SRCIN1: variants seen among roughly 807,000 people sequenced by gnomAD.
SRCIN1 encodes the protein SRC kinase signaling inhibitor 1, also known as P130Cas-associated protein.
SRCIN1 carries 50 observed loss-of-function variants against 116.2 expected under a neutral mutation model. The ratio of observed to expected loss-of-function variants is 0.43; its 90% CI spans 0.34 to 0.54. The LOEUF is 0.54. Ranked by LOEUF, SRCIN1 falls within the 20% of genes least tolerant of loss-of-function variation. The pLI is 0.02. For missense variants in SRCIN1, 1,446 were observed against 1,672.0 expected, an observed-to-expected ratio of 0.86 and a Z score of 2.36; for synonymous variants, 736 against 750.0, an observed-to-expected ratio of 0.98 and a Z score of 0.30.
chr17:38,594,033 C>G (rs2429991), intron 1 of SRCIN1, among the ~76,000 whole-genome samples: 7,439 of 152,300 alleles, frequency 0.049, 375 homozygotes, highest in South Asian at 0.14. Context: ...TGGGGGTATT[C>G]CAGAAAAGGG....
At position 38,561,771 on chromosome 17, in the gene SRCIN1, G is replaced by T. The variant is rs1414972071; in HGVS notation, c.1392C>A (p.Asp464Glu). The T allele has an allele frequency of 1.3e-6, 2 of 1,503,438 alleles. No homozygotes were observed. The highest frequency in any genetic ancestry group is 1.8e-6 in the Non-Finnish European group (2 of 1,133,002). 93.1% of individuals were successfully genotyped at this position (1,503,438 alleles called of 1,614,324 possible). Residue 464 changes from aspartate to glutamate, a missense_variant, in exon 7 of 19, where the codon GAC becomes GAA. Transcript: ENST00000617146. ...AAGGGGPLYGDGYGFRLPPSS... is the reference protein window; with the variant it reads ...AAGGGGPLYGEGYGFRLPPSS... ...AAGGCGGCAGGCGGAAGCCGTAGCC[G>T]TCGCCGTACAGCGGGCCGCCGCCGC...
chr17:38,542,774 T>C, intron 18 of SRCIN1: 1 of 248,564 alleles, frequency 4.0e-6, no homozygotes, highest in South Asian at 5.1e-5. Flanking sequence ...GCTGTGCACC[T>C]TTGGGAAGCC....
Position 38,558,430 on chromosome 17 carries a change from G to C in SRCIN1, c.2026-28C>G. The stretch of plus-strand genomic sequence containing the variant: ...GCGGGACGCACGGACGGATGGACCC[G>C]GGTGGGGGGAGCGGAGCCGCGAGGC... On this transcript the variant is annotated intron_variant, in intron 10 of 18. Coordinates refer to ENST00000617146, the MANE Select transcript of SRCIN1 (RefSeq NM_025248.3). This position sits in a 1 kb window ranked among gnomAD's most constrained non-coding sequence, Gnocchi z 4.6. 1 of 1,565,834 alleles carries C rather than the reference G, an allele frequency of 6.4e-7. No individual in the cohort carries two copies. Among genetic ancestry groups the C allele is most frequent in the Non-Finnish European group, 8.6e-7 (1 of 1,162,824 alleles).
intron 1 of SRCIN1, among the ~76,000 whole-genome samples, chr17:38,583,927 C>T (rs1321537730): frequency 6.6e-6 from 1 of 150,920 alleles, no homozygotes; most frequent in Admixed American, 6.6e-5. Flanking sequence ...CCTGTTACCC[C>T]TACGCCTGTT....
At position 38,564,189 on chromosome 17, in the gene SRCIN1, C is replaced by A; in HGVS notation, c.470G>T (p.Ser157Ile). The change falls in exon 4 of 19, where the codon AGC becomes ATC. Residue 157 changes from serine to isoleucine, a missense_variant. This residue lies in a region of SRCIN1 where 246 missense variants were observed against 265.1 expected (regional missense o/e 0.93). Transcript: ENST00000617146. Reference sequence around the variant, plus strand: ...GCTCTGTCGGAAGCGGTTCATCCTGCTGAAGCCCAGGGGCAGCTCGGCCTC... The same window carrying A: ...GCTCTGTCGGAAGCGGTTCATCCTGATGAAGCCCAGGGGCAGCTCGGCCTC... Reference protein sequence around the residue: ...MSEAELPLGFSRMNRFRQSLP... With the variant: ...MSEAELPLGFIRMNRFRQSLP... 1.9e-6 allele frequency: 3 copies of A among 1,593,164 alleles called. No homozygotes were observed. The highest frequency in any genetic ancestry group is 4.6e-5 in the East Asian group (2 of 43,840).
At chr17:38,549,243 C>A in intron 15 of SRCIN1, 33 bp from the exon 16 acceptor site, 1 of 1,492,704 alleles carries the variant, frequency 6.7e-7, no homozygotes, top group Non-Finnish European at 8.9e-7. Context: ...GGTCAGCAGG[C>A]CTGCAACCTT....
rs1909324222 is a variant in SRCIN1, at chr17:38,605,744, T to C, written c.-39A>G. 3 of 1,057,842 alleles carry C rather than the reference T, an allele frequency of 2.8e-6. No homozygotes were observed. The Admixed American group carries it at 1.6e-4, about 57-fold the overall frequency. 65.5% of individuals were successfully genotyped at this position (1,057,842 alleles called of 1,614,324 possible). On this transcript the variant is annotated 5_prime_UTR_variant, in exon 1 of 19. Transcript: ENST00000617146. ...GGGGGGCGGGGGCCCCGGGCCGGCC[T>C]GCCTGGCGCTCGCCCTCTCGCCGCC...
At position 38,552,688 on chromosome 17, in the gene SRCIN1, C is replaced by A; in HGVS notation, c.2332+37G>T. 1.2e-6 allele frequency: 2 copies of A among 1,613,298 alleles called. No homozygotes were observed. ...CTGGAGTATGGCAGACTTCCCCACC[C>A]TGAACAACGTGCTGCATTCGCAGGC... On this transcript the variant is annotated intron_variant, in intron 12 of 18. Coordinates refer to ENST00000617146, the MANE Select transcript of SRCIN1 (RefSeq NM_025248.3). The surrounding 1 kb of genome is among the most constrained non-coding windows in gnomAD (Gnocchi z 5.3).
At chr17:38,570,569 A>T (rs1464500212) in intron 2 of SRCIN1, among the ~76,000 whole-genome samples, 3 of 152,262 alleles carry the variant, frequency 2.0e-5, no homozygotes, top group Non-Finnish European at 4.4e-5. Context: ...CAAAAGAGAT[A>T]GAAGATGTTC....
intron 2 of SRCIN1, among the ~76,000 whole-genome samples, chr17:38,569,240 C>A (rs1035801247): frequency 3.3e-5 from 5 of 152,206 alleles, no homozygotes; most frequent in African/African-American, 1.2e-4. Context: ...TTCCAGATGG[C>A]TTAGTACAAG....
chr17:38,548,676 G>C lies in SRCIN1; in HGVS notation c.3151C>G (p.Pro1051Ala). Residue 1051 changes from proline (P) to alanine (A), a missense_variant, in exon 17 of 19, where the codon CCC becomes GCC. Physicochemically the swap from Pro to Ala is conservative, Grantham distance 27 (BLOSUM62 -1). Transcript: ENST00000617146. The stretch of plus-strand genomic sequence containing the variant: ...ACAGCCCGGCGCAGCTTCACCTGGG[G>C]CTTCTGCACCTCCAGCTCCTCGGAC... ...AESEELEVQK[P>A]QVKLRRAVSE... 1 of 1,610,902 alleles carries C rather than the reference G, an allele frequency of 6.2e-7. No homozygotes were observed. The highest frequency in any genetic ancestry group is 1.1e-5 in the South Asian group (1 of 90,832).
At chr17:38,569,561 G>A (rs1246676700) in intron 2 of SRCIN1, among the ~76,000 whole-genome samples, 1 of 152,100 alleles carries the variant, frequency 6.6e-6, no homozygotes, top group Non-Finnish European at 1.5e-5. Flanking sequence ...CTTTGGGGTG[G>A]GGGTGACACT....
At chr17:38,560,486 C>T in intron 7 of SRCIN1, 61 bp from the exon 8 acceptor site, 1 of 1,392,180 alleles carries the variant, frequency 7.2e-7, no homozygotes, top group Admixed American at 2.0e-5. Flanking sequence ...CCTGCCCAGC[C>T]CCCCATTCCT....
chr17:38,559,476 G>A (rs1024112604), intron 10 of SRCIN1, 109 bp downstream of exon 10: 1 of 1,181,346 alleles, frequency 8.5e-7, no homozygotes. Context: ...CTCGGGCGTG[G>A]AAGCTCTGGG....
chr17:38,564,472 C>G (rs997580075), intron 3 of SRCIN1, among the ~76,000 whole-genome samples, 159 bp from the exon 4 acceptor site: 10 of 151,966 alleles, frequency 6.6e-5, no homozygotes, highest in Non-Finnish European at 1.2e-4. Flanking sequence ...GGCATGGCCA[C>G]AAGAGAGTTC....
chr17:38,558,495 A>C lies in SRCIN1; in HGVS notation c.2026-93T>G. On this transcript the variant is annotated intron_variant, in intron 10 of 18. Coordinates refer to ENST00000617146, the MANE Select transcript of SRCIN1 (RefSeq NM_025248.3). The surrounding 1 kb of genome is among the most constrained non-coding windows in gnomAD (Gnocchi z 4.6). Reference sequence around the variant, plus strand: ...GAGAAGGCGGGTAGAGGACTGCCCAATCCAGGGCGGGGCTCTGCAGAAGAA... The same window carrying C: ...GAGAAGGCGGGTAGAGGACTGCCCACTCCAGGGCGGGGCTCTGCAGAAGAA... The C allele has an allele frequency of 7.1e-7, 1 of 1,408,066 alleles. No individual in the cohort carries two copies. The highest frequency in any genetic ancestry group is 9.5e-7 in the Non-Finnish European group (1 of 1,056,304). 87.2% of individuals were successfully genotyped at this position (1,408,066 alleles called of 1,614,324 possible). A position where few individuals can be genotyped will look rare whatever the true frequency, so the allele number is the denominator to read the frequency against.
At chr17:38,547,560 C>T (rs1023783174) in intron 17 of SRCIN1, among the ~76,000 whole-genome samples, 11 of 152,058 alleles carry the variant, frequency 7.2e-5, no homozygotes, top group Non-Finnish European at 1.5e-4. Flanking sequence ...CAGCAAGCAG[C>T]GGGGAGGAAG....
At position 38,561,667 on chromosome 17, in the gene SRCIN1, G is replaced by GGCGGCCCCGAGTAGGGGCTGT. The variant is rs1906255496; in HGVS notation, c.1475_1495dup (p.His492_Pro498dup). On this transcript the variant is annotated inframe_insertion, in exon 7 of 19. Transcript: ENST00000617146. ...CTGGCGCACTGGCGAGCCGCGGCTG[G>GGCGGCCCCGAGTAGGGGCTGT]GCGGCCCCGAGTAGGGGCTGTGCGG... 4 of 1,559,570 alleles carry GGCGGCCCCGAGTAGGGGCTGT rather than the reference G, an allele frequency of 2.6e-6. No homozygotes were observed. In the South Asian group the frequency reaches 3.5e-5, roughly 14 times the overall value.
chr17:38,570,242 C>T (rs564767603), intron 2 of SRCIN1, among the ~76,000 whole-genome samples: 1 of 152,242 alleles, frequency 6.6e-6, no homozygotes, highest in African/African-American at 2.4e-5. Context: ...ACACATAGAC[C>T]GCCCCCACTC....
Sources: gnomAD v4.1 joint callset for allele counts (sites outside exome capture counted in the v4.1 genomes callset) on GRCh38, gnomAD v4.1.1 for gene constraint, gnomAD v4.1.1 regional missense constraint, Gnocchi (gnomAD v3.1) non-coding constraint, MANE v1.5 for transcripts, NCBI Gene and HGNC (gene_info 2026-07-23, HGNC 2026-07-21) for gene names.